The following OLA1 variants were observed in gnomAD, a reference collection of about 807,000 sequenced individuals.
OLA1 encodes Obg like ATPase 1.
Under a neutral mutation model 48.4 loss-of-function variants are expected in OLA1, and 14 were observed. The observed-to-expected ratio is 0.29, with a 90% CI of 0.19 to 0.45. The LOEUF (loss-of-function observed/expected upper bound fraction) is 0.45, where lower values mean the gene tolerates loss of function less well. Among genes scored for constraint, OLA1 ranks in the 20% least tolerant of loss-of-function variants. The pLI is 1.00. For synonymous variants in OLA1, 127 were observed against 150.4 expected (o/e 0.84, Z 1.14); for missense variants, 325 against 467.1 (o/e 0.70, Z 2.80).
intron 4 of OLA1, among the ~76,000 whole-genome samples, chr2:174,166,957 T>C (rs1396513567): frequency 6.6e-6 from 1 of 152,190 alleles, no homozygotes; most frequent in African/African-American, 2.4e-5. Flanking sequence ...AAGAATTCAC[T>C]TAATGTCTAC....
intron 4 of OLA1, among the ~76,000 whole-genome samples, chr2:174,195,209 A>G (rs1437208697): frequency 6.6e-6 from 1 of 150,700 alleles, no homozygotes; most frequent in East Asian, 2.0e-4. Context: ...TAAATTTTAT[A>G]CACTTATTGC....
At chr2:174,144,945 A>ATAT (rs1307616947) in intron 4 of OLA1, among the ~76,000 whole-genome samples, 84 of 68,184 alleles carry the variant, frequency 1.2e-3, no homozygotes, top group Non-Finnish European at 1.4e-3. Flanking sequence ...AAAAAAAAAA[A>ATAT]AAAAAAATAT....
chr2:174,131,334 T>G (rs752532425), intron 5 of OLA1, among the ~76,000 whole-genome samples: 24 of 152,276 alleles, frequency 1.6e-4, no homozygotes, highest in Non-Finnish European at 2.8e-4. Context: ...ACTGTAGGAA[T>G]AGTGCACAAT....
intron 7 of OLA1, among the ~76,000 whole-genome samples, chr2:174,106,474 C>A (rs1685517480): frequency 1.3e-5 from 2 of 152,080 alleles, no homozygotes; most frequent in South Asian, 4.1e-4. Flanking sequence ...GTTTACCTCA[C>A]TGATCACAAT....
intron 4 of OLA1, among the ~76,000 whole-genome samples, chr2:174,160,356 G>T (rs1686982590): frequency 1.3e-5 from 2 of 152,058 alleles, no homozygotes; most frequent in Admixed American, 1.3e-4. Flanking sequence ...GCAAAGTCTT[G>T]ATTTCAGAAA....
At chr2:174,217,011 T>C (rs1688375973) in intron 4 of OLA1, among the ~76,000 whole-genome samples, 1 of 152,190 alleles carries the variant, frequency 6.6e-6, no homozygotes, top group Non-Finnish European at 1.5e-5. Context: ...TTAAAAGTTA[T>C]ATCCGAATTT....
intron 7 of OLA1, among the ~76,000 whole-genome samples, chr2:174,105,517 T>A (rs1301198736): frequency 6.6e-6 from 1 of 152,000 alleles, no homozygotes; most frequent in Non-Finnish European, 1.5e-5. Context: ...AATTCTTCAA[T>A]GTTCTGTTTT....
chr2:174,153,207 T>C (rs1351661774), intron 4 of OLA1, among the ~76,000 whole-genome samples: 3 of 152,156 alleles, frequency 2.0e-5, no homozygotes, highest in African/African-American at 7.2e-5. Flanking sequence ...AGCAAGGCTG[T>C]AAGTAAAAAT....
At chr2:174,094,944 C>T (rs1252159565) in intron 7 of OLA1, among the ~76,000 whole-genome samples, 1 of 152,184 alleles carries the variant, frequency 6.6e-6, no homozygotes, top group East Asian at 1.9e-4. Flanking sequence ...ATAATGTCCT[C>T]AAGGTTCATT....
At chr2:174,093,414 T>C (rs1044110942) in intron 7 of OLA1, among the ~76,000 whole-genome samples, 4 of 151,572 alleles carry the variant, frequency 2.6e-5, no homozygotes, top group Non-Finnish European at 4.4e-5. Context: ...CAGTGACCCA[T>C]GATTGCACCG....
chr2:174,223,252 T>C (rs963604894), intron 3 of OLA1, 92 bp from the exon 4 acceptor site: 2 of 1,271,092 alleles, frequency 1.6e-6, no homozygotes, highest in Non-Finnish European at 2.2e-6. Context: ...ATAAATTCTT[T>C]CCTTTCTAGA....
chr2:174,247,031 C>T, intron 1 of OLA1: 2 of 336,956 alleles, frequency 5.9e-6, no homozygotes, highest in Non-Finnish European at 1.1e-5. Context: ...AGAGTCATTG[C>T]TGAGAAGTCC....
At chr2:174,239,893 C>CA (rs71021681) in intron 2 of OLA1, among the ~76,000 whole-genome samples, 79 of 141,570 alleles carry the variant, frequency 5.6e-4, no homozygotes, top group Middle Eastern at 3.6e-3. Context: ...GACTCTATCT[C>CA]AAAAAAAAAA....
chr2:174,133,478 G>A (rs554220358), intron 5 of OLA1, among the ~76,000 whole-genome samples: 3 of 152,172 alleles, frequency 2.0e-5, no homozygotes, highest in East Asian at 1.9e-4. Context: ...CTCGTGCTTC[G>A]GCCTTCCAAG....
chr2:174,091,392 T>C (rs1321611591), intron 7 of OLA1, among the ~76,000 whole-genome samples: 1 of 149,566 alleles, frequency 6.7e-6, no homozygotes, highest in Non-Finnish European at 1.5e-5. Context: ...CTGCATAAGA[T>C]TTTATCTGAA....
intron 7 of OLA1, among the ~76,000 whole-genome samples, chr2:174,104,695 C>T (rs1685475804): frequency 6.6e-6 from 1 of 151,900 alleles, no homozygotes; most frequent in South Asian, 2.1e-4. Flanking sequence ...AGAGTAAAAC[C>T]AACTTTCTAC....
At chr2:174,131,910 C>A (rs1257915852) in intron 5 of OLA1, among the ~76,000 whole-genome samples, 2 of 151,996 alleles carry the variant, frequency 1.3e-5, no homozygotes, top group Admixed American at 6.6e-5. Flanking sequence ...ACTATTCTGA[C>A]CTCACACAAG....
At chr2:174,103,656 C>G (rs1003212732) in intron 7 of OLA1, among the ~76,000 whole-genome samples, 1 of 152,168 alleles carries the variant, frequency 6.6e-6, no homozygotes, top group South Asian at 2.1e-4. Flanking sequence ...TTTCATCCAG[C>G]CAGCTATTTG....
intron 7 of OLA1, among the ~76,000 whole-genome samples, chr2:174,090,065 G>A (rs1386444561): frequency 6.6e-6 from 1 of 152,124 alleles, no homozygotes; most frequent in African/African-American, 2.4e-5. Context: ...TCAAGTGAAA[G>A]ATACATTACC....
Sources: gnomAD v4.1 joint callset for allele counts (sites outside exome capture counted in the v4.1 genomes callset) on GRCh38, gnomAD v4.1.1 for gene constraint, MANE v1.5 for transcripts, NCBI Gene and HGNC (gene_info 2026-07-23, HGNC 2026-07-21) for gene names.